The following MTHFD2L variants were observed in gnomAD, a reference collection of about 807,000 sequenced individuals.
The protein encoded by MTHFD2L is methylenetetrahydrofolate dehydrogenase (NADP+ dependent) 2 like.
MTHFD2L carries 29 observed loss-of-function variants against 34.9 expected under a neutral mutation model. The ratio of observed to expected loss-of-function variants is 0.83; its 90% confidence interval spans 0.62 to 1.13. The LOEUF (loss-of-function observed/expected upper bound fraction) is 1.13, where lower values mean the gene tolerates loss of function less well. Ranked by LOEUF, MTHFD2L falls within the 50% of genes most tolerant of loss-of-function variation. The pLI, the probability that MTHFD2L is intolerant of heterozygous loss-of-function variation, is 0.00. For missense variants in MTHFD2L, 481 were observed against 446.5 expected, an observed-to-expected ratio of 1.08 and a Z score of -0.70; for synonymous variants, 167 against 155.7, an observed-to-expected ratio of 1.07 and a Z score of -0.54.
At chr4:74,138,683 A>C (rs926312169) in intron 1 of MTHFD2L, among the ~76,000 whole-genome samples, 1 of 152,154 alleles carries the variant, frequency 6.6e-6, no homozygotes, top group African/African-American at 2.4e-5. Context: ...GGAGGGCAGC[A>C]AACAGCAGTG....
chr4:74,300,489 T>C (rs928439816), intron 7 of MTHFD2L, among the ~76,000 whole-genome samples: 32 of 152,044 alleles, frequency 2.1e-4, no homozygotes, highest in African/African-American at 7.7e-4. Context: ...TATGAGCTAA[T>C]TGTAAAAGGC....
At chr4:74,283,727 G>A (rs749363179) in intron 7 of MTHFD2L, among the ~76,000 whole-genome samples, 1 of 152,114 alleles carries the variant, frequency 6.6e-6, no homozygotes, top group Non-Finnish European at 1.5e-5. Flanking sequence ...ATGATTAGTT[G>A]TATCTAGCTT....
chr4:74,241,029 T>C (rs977870320), intron 6 of MTHFD2L, among the ~76,000 whole-genome samples: 1 of 152,152 alleles, frequency 6.6e-6, no homozygotes, highest in African/African-American at 2.4e-5. Context: ...GATACTAAAA[T>C]AGAGGATAAT....
chr4:74,173,670 A>G (rs1301128494), intron 1 of MTHFD2L, among the ~76,000 whole-genome samples: 2 of 152,216 alleles, frequency 1.3e-5, no homozygotes, highest in African/African-American at 2.4e-5. Flanking sequence ...ACGTGTATAC[A>G]TAGTGGAGTC....
At chr4:74,255,751 T>C (rs1246875045) in intron 6 of MTHFD2L, among the ~76,000 whole-genome samples, 1 of 152,210 alleles carries the variant, frequency 6.6e-6, no homozygotes, top group Non-Finnish European at 1.5e-5. Flanking sequence ...ACATGTGGTA[T>C]TTGCTTTCCT....
At chr4:74,185,719 C>T (rs1731108561) in intron 3 of MTHFD2L, among the ~76,000 whole-genome samples, 1 of 152,116 alleles carries the variant, frequency 6.6e-6, no homozygotes, top group Admixed American at 6.5e-5. Context: ...TACCAAAGCT[C>T]ACTCAAAAAG....
chr4:74,274,330 T>TA (rs1203187082), intron 6 of MTHFD2L, among the ~76,000 whole-genome samples: 3 of 152,148 alleles, frequency 2.0e-5, no homozygotes, highest in African/African-American at 7.2e-5. Context: ...AAGGATTCCT[T>TA]AAAAAGGGCT....
intron 1 of MTHFD2L, among the ~76,000 whole-genome samples, chr4:74,142,840 A>T (rs1723359460): frequency 6.6e-6 from 1 of 152,176 alleles, no homozygotes; most frequent in Non-Finnish European, 1.5e-5. Context: ...TGGACAAAAA[A>T]ATCCCCTGAA....
chr4:74,149,385 T>C (rs1298948191), intron 1 of MTHFD2L, among the ~76,000 whole-genome samples: 1 of 149,902 alleles, frequency 6.7e-6, no homozygotes, highest in Non-Finnish European at 1.5e-5. Context: ...TAAATGCCCC[T>C]ATTTAATAAT....
chr4:74,296,328 C>G (rs1175480634), intron 7 of MTHFD2L, among the ~76,000 whole-genome samples: 1 of 152,084 alleles, frequency 6.6e-6, no homozygotes, highest in Non-Finnish European at 1.5e-5. Flanking sequence ...AATTATATGG[C>G]TGACATGGTG....
chr4:74,232,594 G>A (rs1446346500), intron 6 of MTHFD2L, among the ~76,000 whole-genome samples: 1 of 152,086 alleles, frequency 6.6e-6, no homozygotes, highest in Non-Finnish European at 1.5e-5. Flanking sequence ...TTTTCTTGGT[G>A]TCAGTAATAC....
intron 3 of MTHFD2L, chr4:74,190,505 C>T: frequency 3.0e-6 from 3 of 985,334 alleles, no homozygotes; most frequent in Non-Finnish European, 2.4e-6. Context: ...CCACCTTTTT[C>T]CGGCCTAGAG....
rs563101634 is a variant in MTHFD2L, at chr4:74,126,635, C to A, written c.-297+1118C>A. Among the ~76,000 whole-genome samples, 118 of 152,066 alleles carry A rather than the reference C, an allele frequency of 7.8e-4. 3 individuals carry two copies. In the South Asian group the frequency reaches 0.023, roughly 30 times the overall value. On this transcript the variant is annotated intron_variant, in intron 1 of 7. Transcript: ENST00000433372. ...AAAGTTTATTACAACAAAGTTAAGT[C>A]AGGGAATGAATATGTAAGAAGCACC...
chr4:74,248,393 A>G (rs1742800947), intron 6 of MTHFD2L, among the ~76,000 whole-genome samples: 2 of 152,134 alleles, frequency 1.3e-5, no homozygotes, highest in Admixed American at 1.3e-4. Context: ...TAGTCTTGCT[A>G]GCAGTCTATC....
intron 3 of MTHFD2L, among the ~76,000 whole-genome samples, chr4:74,197,081 C>A (rs1300555863): frequency 1.3e-5 from 2 of 152,044 alleles, no homozygotes; most frequent in African/African-American, 4.8e-5. Flanking sequence ...TTTTTCCTAG[C>A]ATGATTTAAT....
chr4:74,199,768 T>C (rs377533617), intron 3 of MTHFD2L, 26 bp from the exon 4 acceptor site: 2 of 1,570,714 alleles, frequency 1.3e-6, no homozygotes, highest in Non-Finnish European at 1.7e-6. Flanking sequence ...AATTTTAAAA[T>C]TAGACAAATT....
At chr4:74,244,407 C>G (rs1742130677) in intron 6 of MTHFD2L, among the ~76,000 whole-genome samples, 1 of 152,156 alleles carries the variant, frequency 6.6e-6, no homozygotes, top group Non-Finnish European at 1.5e-5. Context: ...TCCAAAGTCA[C>G]CCAGGTGAGT....
At chr4:74,142,642 T>C (rs772884794) in intron 1 of MTHFD2L, among the ~76,000 whole-genome samples, 2 of 152,210 alleles carry the variant, frequency 1.3e-5, no homozygotes, top group Non-Finnish European at 2.9e-5. Context: ...TATGAAATAA[T>C]TGACATGTAT....
intron 6 of MTHFD2L, among the ~76,000 whole-genome samples, chr4:74,250,795 A>T (rs1367608515): frequency 6.6e-6 from 1 of 152,084 alleles, no homozygotes; most frequent in Non-Finnish European, 1.5e-5. Context: ...ACACATCTGT[A>T]TGTGTGTGTT....
Sources: allele counts gnomAD v4.1 joint callset (sites outside exome capture counted in the v4.1 genomes callset), GRCh38; gene constraint gnomAD v4.1.1; transcripts MANE v1.5; gene names NCBI Gene and HGNC (gene_info 2026-07-23, HGNC 2026-07-21).